NKAIN2: variants seen among roughly 807,000 people sequenced by gnomAD.
NKAIN2 encodes the protein sodium/potassium-transporting ATPase subunit beta-1-interacting protein 2.
A neutral mutation model predicts 32.6 loss-of-function variants in NKAIN2; 14 were observed. The observed-to-expected ratio is 0.43, with a 90% CI of 0.28 to 0.67. The LOEUF is 0.67. Among genes scored for constraint, NKAIN2 ranks in the 30% least tolerant of loss-of-function variants. The pLI is 0.17. For synonymous variants in NKAIN2, 80 were observed against 87.2 expected (o/e 0.92, Z 0.46); for missense variants, 198 against 258.3 (o/e 0.77, Z 1.60).
intron 1 of NKAIN2, among the ~76,000 whole-genome samples, chr6:124,044,984 C>G (rs1035495666): frequency 6.6e-6 from 1 of 151,860 alleles, no homozygotes; most frequent in Non-Finnish European, 1.5e-5. Context: ...CCCAAAACTG[C>G]GTTTTCTGAT....
At chr6:124,213,105 A>G (rs1293995778) in intron 1 of NKAIN2, among the ~76,000 whole-genome samples, 1 of 152,132 alleles carries the variant, frequency 6.6e-6, no homozygotes, top group Non-Finnish European at 1.5e-5. Context: ...ACGTGCGAAT[A>G]TCCTATAGGA....
intron 4 of NKAIN2, among the ~76,000 whole-genome samples, chr6:124,783,347 A>G (rs958057942): frequency 6.6e-6 from 1 of 152,178 alleles, no homozygotes; most frequent in African/African-American, 2.4e-5. Context: ...CTATTTCCCA[A>G]CTTAAATAGA....
chr6:123,998,635 T>C (rs1243742081), intron 1 of NKAIN2, among the ~76,000 whole-genome samples: 2 of 152,000 alleles, frequency 1.3e-5, no homozygotes, highest in Non-Finnish European at 1.5e-5. Context: ...AGGGGAGTAC[T>C]ACTATAATCT....
At chr6:124,595,389 G>C (rs770803331) in intron 3 of NKAIN2, among the ~76,000 whole-genome samples, 1 of 152,094 alleles carries the variant, frequency 6.6e-6, no homozygotes, top group Non-Finnish European at 1.5e-5. Flanking sequence ...CTGCCTGCTC[G>C]GTCCTTGGGC....
At chr6:123,822,348 T>C (rs1403962401) in intron 1 of NKAIN2, among the ~76,000 whole-genome samples, 1 of 152,194 alleles carries the variant, frequency 6.6e-6, no homozygotes, top group African/African-American at 2.4e-5. Context: ...CTATTAGAAT[T>C]ATACATTCTG....
At chr6:124,141,856 G>T (rs1297473309) in intron 1 of NKAIN2, among the ~76,000 whole-genome samples, 2 of 152,088 alleles carry the variant, frequency 1.3e-5, no homozygotes, top group Non-Finnish European at 2.9e-5. Context: ...TTCTGTAGAT[G>T]ATCTTGAATT....
chr6:124,055,749 T>C (rs1011393801), intron 1 of NKAIN2, among the ~76,000 whole-genome samples: 4 of 151,998 alleles, frequency 2.6e-5, no homozygotes, highest in Non-Finnish European at 5.9e-5. Context: ...CTTTAAAAAA[T>C]CACTCTCCTA....
chr6:124,699,081 C>A (rs1774638504), intron 4 of NKAIN2, among the ~76,000 whole-genome samples: 1 of 151,992 alleles, frequency 6.6e-6, no homozygotes, highest in African/African-American at 2.4e-5. Flanking sequence ...GTAGATCCAC[C>A]CCAAAGCTTA....
chr6:124,615,134 GTC>G (rs1782836902), intron 3 of NKAIN2, among the ~76,000 whole-genome samples: 1 of 152,074 alleles, frequency 6.6e-6, no homozygotes, highest in African/African-American at 2.4e-5. Context: ...ACTTTTCACA[GTC>G]TGTCATGTAT....
intron 3 of NKAIN2, among the ~76,000 whole-genome samples, chr6:124,585,529 A>T (rs985317950): frequency 2.6e-5 from 4 of 152,226 alleles, no homozygotes; most frequent in Admixed American, 6.5e-5. Context: ...TTGTCTGCCT[A>T]CATCAAAATA....
At chr6:124,363,514 T>C (rs932579835) in intron 3 of NKAIN2, among the ~76,000 whole-genome samples, 10 of 152,220 alleles carry the variant, frequency 6.6e-5, no homozygotes, top group Non-Finnish European at 1.5e-4. Flanking sequence ...AGGCAAATTC[T>C]GTACCAGGCT....
At chr6:124,238,624 A>G (rs779100840) in intron 1 of NKAIN2, among the ~76,000 whole-genome samples, 3 of 152,146 alleles carry the variant, frequency 2.0e-5, no homozygotes, top group Non-Finnish European at 4.4e-5. Context: ...CTGCATTTGC[A>G]GCTAAGGTAC....
chr6:124,159,435 T>C (rs1338748607), intron 1 of NKAIN2, among the ~76,000 whole-genome samples: 1 of 152,164 alleles, frequency 6.6e-6, no homozygotes, highest in Non-Finnish European at 1.5e-5. Context: ...TTCTCAGAAA[T>C]GACTGCCCTC....
At chr6:123,845,923 T>C (rs956394368) in intron 1 of NKAIN2, among the ~76,000 whole-genome samples, 10 of 152,190 alleles carry the variant, frequency 6.6e-5, no homozygotes, top group African/African-American at 2.4e-4. Context: ...CTTCCCTTTT[T>C]TTCTTCCAGC....
chr6:124,802,649 C>T (rs73578143), intron 5 of NKAIN2, among the ~76,000 whole-genome samples: 7,702 of 152,234 alleles, frequency 0.051, 232 homozygotes, highest in South Asian at 0.1. Context: ...TCATCTGCCA[C>T]CTTCATTCCC....
intron 1 of NKAIN2, among the ~76,000 whole-genome samples, chr6:124,146,466 T>C (rs1787406806): frequency 6.6e-6 from 1 of 152,014 alleles, no homozygotes; most frequent in Non-Finnish European, 1.5e-5. Flanking sequence ...GGAGTGCGAG[T>C]TGAAACAATT....
chr6:124,193,032 A>T (rs1790110433), intron 1 of NKAIN2, among the ~76,000 whole-genome samples: 1 of 152,132 alleles, frequency 6.6e-6, no homozygotes, highest in Admixed American at 6.5e-5. Context: ...TACAGGCGTG[A>T]GCTACCGCGC....
At chr6:124,526,527 T>C (rs1230108233) in intron 3 of NKAIN2, among the ~76,000 whole-genome samples, 1 of 152,040 alleles carries the variant, frequency 6.6e-6, no homozygotes, top group Non-Finnish European at 1.5e-5. Flanking sequence ...TAGAAAGATA[T>C]GTATCTCAGA....
chr6:123,824,040 A>G (rs1283064113), intron 1 of NKAIN2, among the ~76,000 whole-genome samples: 1 of 152,140 alleles, frequency 6.6e-6, no homozygotes, highest in Non-Finnish European at 1.5e-5. Flanking sequence ...TAACTGCATG[A>G]CCTTTGATAC....
Sources: allele counts gnomAD v4.1 joint callset (sites outside exome capture counted in the v4.1 genomes callset), GRCh38; gene constraint gnomAD v4.1.1; transcripts MANE v1.5; gene names NCBI Gene and HGNC (gene_info 2026-07-23, HGNC 2026-07-21).